The following DPF1 variants were observed in gnomAD, a reference collection of about 807,000 sequenced individuals.
The protein encoded by DPF1 is double PHD fingers 1.
Under a neutral mutation model 58.7 loss-of-function variants are expected in DPF1, and 14 were observed. That is an observed-to-expected ratio of 0.24 (90% confidence interval 0.16 to 0.37). The LOEUF (loss-of-function observed/expected upper bound fraction) is 0.37. DPF1 is among the 10% of genes least tolerant of loss of function. DPF1 has a pLI of 1.00. For missense variants in DPF1, 345 were observed against 529.9 expected (o/e 0.65, Z 3.43); for synonymous variants, 216 against 216.0 (o/e 1.00, Z 0.00).
rs1234824013 is a variant in DPF1 at position 38,218,951 on chromosome 19, C to G, written c.406G>C (p.Glu136Gln). 2 of 1,613,394 alleles carry G rather than the reference C, an allele frequency of 1.2e-6. No homozygotes were observed. The highest frequency in any genetic ancestry group is 1.7e-5 in the Admixed American group (1 of 60,000). Reference sequence around the variant, plus strand: ...CCCACCTGACAGTCCATAATGGTCTCCTCCTCCTTCAGCTCAATCTTCTTC... The same window carrying G: ...CCCACCTGACAGTCCATAATGGTCTGCTCCTCCTTCAGCTCAATCTTCTTC... The part of the protein sequence containing the change: ...GEKKIELKEE[E>Q]TIMDCQKQQL... The change falls in exon 4 of 12, where the codon GAG (glutamate) becomes CAG (glutamine). Residue 136 changes from glutamate (E) to glutamine (Q), a missense_variant. Coordinates refer to ENST00000355526, the MANE Select transcript of DPF1 (RefSeq NM_001135155.3).
chr19:38,216,469 C>T, intron 7 of DPF1, 66 bp from the exon 8 acceptor site: 1 of 1,502,372 alleles, frequency 6.7e-7, no homozygotes, highest in Non-Finnish European at 8.9e-7. Context: ...CCCCCAGCCT[C>T]AGCCCCAAGG....
In DPF1 at chr19:38,224,037, C is replaced by T; in HGVS notation, c.29+77G>A. On this transcript the variant is annotated intron_variant, in intron 1 of 11. Coordinates refer to ENST00000355526, the MANE Select transcript of DPF1 (RefSeq NM_001135155.3). The surrounding 1 kb of genome is among the most constrained non-coding windows in gnomAD (Gnocchi z 4.5). The stretch of plus-strand genomic sequence containing the variant: ...CCCCCCAGACACCCCTTCGGCCCCA[C>T]CCCCGGTCGCCACACACACACAGGC... 2.1e-6 allele frequency: 3 copies of T among 1,428,644 alleles called. No individual in the cohort carries two copies. Among genetic ancestry groups the T allele is most frequent in the Non-Finnish European group, 2.7e-6 (3 of 1,097,556 alleles). The allele number at this position is 1,428,644 out of a possible 1,614,324, so 88.5% of individuals were successfully genotyped here.
chr19:38,218,131 G>A (rs1030433819), intron 5 of DPF1, among the ~76,000 whole-genome samples: 2 of 152,220 alleles, frequency 1.3e-5, no homozygotes, highest in African/African-American at 4.8e-5. Context: ...GAACCCGGGA[G>A]GCGGAGGTTG....
At chr19:38,221,688 G>A (rs747363434) in intron 3 of DPF1, among the ~76,000 whole-genome samples, 7 of 151,998 alleles carry the variant, frequency 4.6e-5, no homozygotes, top group Non-Finnish European at 7.4e-5. Flanking sequence ...GGTGGTTCAC[G>A]CCTATAATCC....
intron 4 of DPF1, 73 bp downstream of exon 4, chr19:38,218,858 T>G: frequency 6.3e-7 from 1 of 1,593,750 alleles, no homozygotes; most frequent in Admixed American, 1.7e-5. Flanking sequence ...AGCAGGAACG[T>G]GAGGGCCCGG....
intron 9 of DPF1, 52 bp downstream of exon 9, chr19:38,216,088 C>A: frequency 6.4e-7 from 1 of 1,569,450 alleles, no homozygotes. Context: ...GGTCTGCACT[C>A]CTGAATGTCC....
At chr19:38,226,389 A>T (rs1967820249), upstream of DPF1, among the ~76,000 whole-genome samples, 1 of 146,832 alleles carries the variant, frequency 6.8e-6, no homozygotes, top group African/African-American at 2.5e-5. Context: ...GCCCTCATCC[A>T]CCAGGGGGCG....
chr19:38,227,490 C>T (rs1280962214), upstream of DPF1, among the ~76,000 whole-genome samples: 1 of 152,122 alleles, frequency 6.6e-6, no homozygotes, highest in Non-Finnish European at 1.5e-5. Context: ...CTCCTACACA[C>T]TTGAACTCCC....
Position 38,211,096 on chromosome 19 carries a change from AGG to A in DPF1, c.*965_*966del, listed in dbSNP as rs1426689328. On this transcript the variant is annotated 3_prime_UTR_variant, in exon 12 of 12. Coordinates refer to ENST00000355526, the MANE Select transcript of DPF1 (RefSeq NM_001135155.3). The surrounding 1 kb of genome is among the most constrained non-coding windows in gnomAD (Gnocchi z 4.0). The stretch of plus-strand genomic sequence containing the variant: ...AATAGAGGAGACTCGGTGACAAGTG[AGG>A]GGGCACTCCTGGATTAGGGGACATC... The A allele has an allele frequency of 6.6e-6, 1 of 152,632 alleles. No individual in the cohort carries two copies. The highest frequency in any genetic ancestry group is 2.4e-5 in the African/African-American group (1 of 41,482). The allele number at this position is 152,632 out of a possible 1,614,324, so 9.5% of individuals were successfully genotyped here.
intron 4 of DPF1, 62 bp downstream of exon 4, chr19:38,218,869 G>A: frequency 6.2e-7 from 1 of 1,602,128 alleles, no homozygotes; most frequent in East Asian, 2.2e-5. Flanking sequence ...GAGGGCCCGG[G>A]CTGGTGGCAG....
In DPF1 at chr19:38,222,112, T is replaced by A. The variant is rs1349502376; in HGVS notation, c.298+245A>T. On this transcript the variant is annotated intron_variant, in intron 3 of 11. Coordinates refer to ENST00000355526, the MANE Select transcript of DPF1 (RefSeq NM_001135155.3). The surrounding 1 kb of genome is among the most constrained non-coding windows in gnomAD (Gnocchi z 4.9). ...AAACTCTGTCTCAAAAATAAATAAA[T>A]AAATAAATAAATAAATAAATAACAA... 6.6e-6 allele frequency among the ~76,000 whole-genome samples: 1 copy of A among 150,424 alleles called. No homozygotes were observed. Among genetic ancestry groups the A allele is most frequent in the Non-Finnish European group, 1.5e-5 (1 of 67,308 alleles).
upstream of DPF1, chr19:38,224,272 C>T (rs1967717634): frequency 7.9e-7 from 1 of 1,260,522 alleles, no homozygotes; most frequent in Non-Finnish European, 1.0e-6. The surrounding 1 kb of genome is among the most constrained non-coding windows in gnomAD (Gnocchi z 4.5). Context: ...CCAATCGCGG[C>T]GACGGGGCGG....
At chr19:38,212,237 T>TGGGGGGGGGGGGGGGCGG in intron 11 of DPF1, 43 bp downstream of exon 11, 1 of 1,256,814 alleles carries the variant, frequency 8.0e-7, no homozygotes, top group Non-Finnish European at 1.1e-6. Flanking sequence ...GGAGATGGCG[T>TGGGGGGGGGGGGGGGCGG]TCCCACCCAC....
At chr19:38,216,465 G>C (rs1218367881) in intron 7 of DPF1, 62 bp from the exon 8 acceptor site, 2 of 1,505,314 alleles carry the variant, frequency 1.3e-6, no homozygotes, top group East Asian at 4.6e-5. Flanking sequence ...CCTGCCCCCA[G>C]CCTCAGCCCC....
At position 38,213,641 on chromosome 19, in the gene DPF1, C is replaced by CA; in HGVS notation, c.1011+2dup. ...GGGCACGCGGGGGGCGGGCGGCACT[C>CA]ACGTCGTTCTCGGAGGTTCCGCACA... On this transcript the variant is annotated splice_region_variant and intron_variant, in intron 10 of 11. Coordinates refer to ENST00000355526, the MANE Select transcript of DPF1 (RefSeq NM_001135155.3). The CA allele has an allele frequency of 6.2e-7, 1 of 1,611,878 alleles. No homozygotes were observed. The highest frequency in any genetic ancestry group is 1.1e-5 in the South Asian group (1 of 90,974).
chr19:38,213,817 C>T (rs541860488), intron 9 of DPF1, 61 bp from the exon 10 acceptor site: 131 of 1,424,020 alleles, frequency 9.2e-5, no homozygotes, highest in Middle Eastern at 1.8e-4. Context: ...GGGCACTGAC[C>T]GGCAGGGGAG....
At position 38,224,216 on chromosome 19, in the gene DPF1, C is replaced by A; in HGVS notation, c.-74G>T. The A allele has an allele frequency of 1.5e-6, 2 of 1,319,350 alleles. No homozygotes were observed. The highest frequency in any genetic ancestry group is 2.4e-5 in the South Asian group (1 of 41,828). 81.7% of individuals were successfully genotyped at this position (1,319,350 alleles called of 1,614,324 possible). ...CCCAGCGGTCGGGCGGGCGCTGAGG[C>A]CGCCCATCCATTCATTCCCGGGGGG... On this transcript the variant is annotated 5_prime_UTR_variant, in exon 1 of 12. Coordinates refer to ENST00000355526, the MANE Select transcript of DPF1 (RefSeq NM_001135155.3). The surrounding 1 kb of genome is among the most constrained non-coding windows in gnomAD (Gnocchi z 4.5).
At position 38,216,350 on chromosome 19, in the gene DPF1, T is replaced by C; in HGVS notation, c.778+3A>G. 1.2e-6 allele frequency: 2 copies of C among 1,602,176 alleles called. No homozygotes were observed. The highest frequency in any genetic ancestry group is 1.7e-6 in the Non-Finnish European group (2 of 1,173,340). Reference sequence around the variant, plus strand: ...CTTTAGGAGCAGAAGGAGGCATCCGTACCTGTGTGTTTCCTTTGTGCCTCA... The same window carrying C: ...CTTTAGGAGCAGAAGGAGGCATCCGCACCTGTGTGTTTCCTTTGTGCCTCA... On this transcript the variant is annotated splice_donor_region_variant and intron_variant, in intron 8 of 11. Coordinates refer to ENST00000355526, the MANE Select transcript of DPF1 (RefSeq NM_001135155.3).
At chr19:38,216,047 C>A (rs1351713664) in intron 9 of DPF1, 93 bp downstream of exon 9, 50 of 1,511,046 alleles carry the variant, frequency 3.3e-5, no homozygotes, top group African/African-American at 4.2e-5. Flanking sequence ...CGGGTCCCCT[C>A]GGTCCTCACC....
Sources: gnomAD v4.1 joint callset for allele counts (sites outside exome capture counted in the v4.1 genomes callset) on GRCh38, gnomAD v4.1.1 for gene constraint, Gnocchi (gnomAD v3.1) non-coding constraint, MANE v1.5 for transcripts, NCBI Gene and HGNC (gene_info 2026-07-23, HGNC 2026-07-21) for gene names.